SAMD5: variants seen among roughly 807,000 people sequenced by gnomAD.
SAMD5 encodes the protein sterile alpha motif domain containing 5.
A neutral mutation model predicts 11.3 loss-of-function variants in SAMD5; 13 were observed. That is an observed-to-expected ratio of 1.15 (90% CI 0.75 to 1.83). SAMD5 has a LOEUF of 1.83. SAMD5 is among the 40% of genes most tolerant of loss of function. The probability of loss-of-function intolerance (pLI) is 0.00; values close to 1 mark genes in which losing one functional copy is unlikely to be tolerated. For missense variants in SAMD5, 255 were observed against 239.1 expected (o/e 1.07, Z -0.44); for synonymous variants, 129 against 111.3 (o/e 1.16, Z -1.00).
rs1039593835 is a variant in SAMD5 at position 147,565,223 on chromosome 6, G to A, written c.*767G>A. The A allele has an allele frequency of 1.0e-6, 1 of 985,912 alleles. No homozygotes were observed. Among genetic ancestry groups the A allele is most frequent in the Non-Finnish European group, 1.2e-6 (1 of 829,990 alleles). The allele number at this position is 985,912 out of a possible 1,614,324, so 61.1% of individuals were successfully genotyped here. A position where few individuals can be genotyped will look rare whatever the true frequency, so the allele number is the denominator to read the frequency against. ...TAGCTAGTTTCTTGCACTCTGTGGA[G>A]ACTGCCAGGGCCGCAGCTCACAGCC... is the stretch of plus-strand genomic sequence containing the variant. On this transcript the variant is annotated 3_prime_UTR_variant, in exon 2 of 2. Transcript: ENST00000367474.
At chr6:147,727,670 T>A (rs941758648) in intron 1 of SAMD5, among the ~76,000 whole-genome samples, 2 of 152,070 alleles carry the variant, frequency 1.3e-5, no homozygotes, top group African/African-American at 4.8e-5. Flanking sequence ...TCTGGCTTTT[T>A]TTTTTTTTCC....
chr6:147,724,789 A>G (rs1385214546), intron 1 of SAMD5, among the ~76,000 whole-genome samples: 1 of 152,196 alleles, frequency 6.6e-6, no homozygotes, highest in African/African-American at 2.4e-5. Flanking sequence ...CAAGCAAGAT[A>G]TTGAATTAGA....
At chr6:147,524,680 T>C (rs1788309445) in intron 1 of SAMD5, among the ~76,000 whole-genome samples, 1 of 152,098 alleles carries the variant, frequency 6.6e-6, no homozygotes, top group Non-Finnish European at 1.5e-5. Flanking sequence ...AATATTGTTT[T>C]CCATTCGCAC....
At chr6:147,745,887 A>G in the SAMD5 span, among the ~76,000 whole-genome samples, 13 of 150,874 alleles carry the variant, frequency 8.6e-5, no homozygotes, top group Non-Finnish European at 1.5e-4. Flanking sequence ...CATTACAGGC[A>G]TGCACCACCA....
chr6:147,536,336 G>A (rs767389975), intron 1 of SAMD5, among the ~76,000 whole-genome samples: 5 of 152,164 alleles, frequency 3.3e-5, no homozygotes, highest in Non-Finnish European at 5.9e-5. Flanking sequence ...CATAAATTGG[G>A]AATACTTACA....
chr6:147,654,872 CCTAA>C (rs1413309010), intron 1 of SAMD5, among the ~76,000 whole-genome samples: 1 of 152,136 alleles, frequency 6.6e-6, no homozygotes, highest in Non-Finnish European at 1.5e-5. Flanking sequence ...CCTCCATCCT[CCTAA>C]CTGAGTCACT....
At chr6:147,794,874 T>C in the SAMD5 span, among the ~76,000 whole-genome samples, 1 of 152,120 alleles carries the variant, frequency 6.6e-6, no homozygotes, top group Non-Finnish European at 1.5e-5. Context: ...ACCGAAAGCT[T>C]TGACGGCGGT....
At chr6:147,530,492 C>T (rs1788413281) in intron 1 of SAMD5, among the ~76,000 whole-genome samples, 2 of 152,242 alleles carry the variant, frequency 1.3e-5, no homozygotes, top group African/African-American at 4.8e-5. Context: ...CGGCATTGCC[C>T]TCTGGGGCCA....
intron 1 of SAMD5, among the ~76,000 whole-genome samples, chr6:147,543,207 G>A (rs1477637965): frequency 6.6e-6 from 1 of 152,044 alleles, no homozygotes; most frequent in Non-Finnish European, 1.5e-5. Context: ...CCTTCTAACT[G>A]CAAAATTCTT....
At chr6:147,657,862 G>C (rs1790593425) in intron 1 of SAMD5, among the ~76,000 whole-genome samples, 1 of 152,288 alleles carries the variant, frequency 6.6e-6, no homozygotes, top group Admixed American at 6.5e-5. Context: ...TCATCCCCTT[G>C]ATGGTTAGGA....
chr6:147,632,076 AC>A (rs1790159937), intron 1 of SAMD5, among the ~76,000 whole-genome samples: 1 of 152,098 alleles, frequency 6.6e-6, no homozygotes, highest in Non-Finnish European at 1.5e-5. Flanking sequence ...GGTGGGAGTG[AC>A]CGATGAGAAG....
the SAMD5 span, among the ~76,000 whole-genome samples, chr6:147,950,822 A>C: frequency 3.9e-5 from 6 of 152,174 alleles, no homozygotes; most frequent in Non-Finnish European, 7.4e-5. Flanking sequence ...CTCTCAGCCA[A>C]ATTTCACAAT....
chr6:147,895,205 AT>A, the SAMD5 span, among the ~76,000 whole-genome samples: 1 of 152,138 alleles, frequency 6.6e-6, no homozygotes, highest in Non-Finnish European at 1.5e-5. Context: ...ATGTATTGTC[AT>A]TTAGAGGTGA....
At chr6:147,850,775 T>C in the SAMD5 span, among the ~76,000 whole-genome samples, 1 of 152,028 alleles carries the variant, frequency 6.6e-6, no homozygotes, top group Non-Finnish European at 1.5e-5. Context: ...CCTTCCTTTG[T>C]CCAGCGCCTC....
chr6:147,522,412 A>G (rs2128440167), intron 1 of SAMD5, among the ~76,000 whole-genome samples: 1 of 152,304 alleles, frequency 6.6e-6, no homozygotes, highest in East Asian at 1.9e-4. Flanking sequence ...TTGGGATTGA[A>G]TATTTAATCC....
chr6:147,664,167 A>G (rs770241448), intron 1 of SAMD5, among the ~76,000 whole-genome samples: 1 of 152,102 alleles, frequency 6.6e-6, no homozygotes, highest in African/African-American at 2.4e-5. Context: ...CTGGTGCTGG[A>G]TTTCCTTGAC....
intron 1 of SAMD5, among the ~76,000 whole-genome samples, chr6:147,549,240 A>G (rs975411305): frequency 2.0e-5 from 3 of 152,192 alleles, no homozygotes; most frequent in East Asian, 1.9e-4. Flanking sequence ...CTGAATTCCT[A>G]TTGCAGCCAC....
intron 1 of SAMD5, among the ~76,000 whole-genome samples, chr6:147,603,739 A>AAAGG (rs1562331149): frequency 1.6e-4 from 25 of 152,008 alleles, no homozygotes; most frequent in Non-Finnish European, 2.8e-4. Flanking sequence ...GTAAATTGAC[A>AAAGG]TTTGGCATAT....
intron 1 of SAMD5, among the ~76,000 whole-genome samples, chr6:147,724,545 C>A (rs1028849280): frequency 7.2e-5 from 11 of 152,214 alleles, no homozygotes; most frequent in African/African-American, 2.4e-4. Context: ...ATTGAACTAT[C>A]TTTCTTGCCA....
Sources: gnomAD v4.1 joint callset for allele counts (sites outside exome capture counted in the v4.1 genomes callset) on GRCh38, gnomAD v4.1.1 for gene constraint, MANE v1.5 for transcripts, NCBI Gene and HGNC (gene_info 2026-07-23, HGNC 2026-07-21) for gene names.